Variants in CDH11 observed in about 807,000 individuals in gnomAD.
CDH11 encodes cadherin-11.
Under a neutral mutation model 67.8 loss-of-function variants are expected in CDH11, and 11 were observed. The ratio of observed to expected loss-of-function variants is 0.16; its 90% CI spans 0.10 to 0.27. The LOEUF (loss-of-function observed/expected upper bound fraction) is 0.27. Among genes scored for constraint, CDH11 ranks in the 10% least tolerant of loss-of-function variants. CDH11 has a pLI of 1.00. For synonymous variants in CDH11, 419 were observed against 400.0 expected, an observed-to-expected ratio of 1.05 and a Z score of -0.57; for missense variants, 847 against 1,031.2, an observed-to-expected ratio of 0.82 and a Z score of 2.45.
intron 1 of CDH11, among the ~76,000 whole-genome samples, chr16:65,066,973 A>G (rs1470303099): frequency 6.6e-6 from 1 of 152,154 alleles, no homozygotes; most frequent in Non-Finnish European, 1.5e-5. Context: ...GATTTTACTA[A>G]CTGTTCTTGG....
chr16:65,003,216 T>C (rs2072967175), intron 3 of CDH11, among the ~76,000 whole-genome samples: 1 of 151,812 alleles, frequency 6.6e-6, no homozygotes, highest in African/African-American at 2.4e-5. Flanking sequence ...TAATATTAAC[T>C]GGCATTGTTA....
intron 8 of CDH11, among the ~76,000 whole-genome samples, chr16:64,977,010 T>C (rs2072191473): frequency 6.6e-6 from 1 of 151,916 alleles, no homozygotes; most frequent in African/African-American, 2.4e-5. Context: ...ATGGGCAACA[T>C]AGTGAGAACC....
chr16:65,027,361 T>A (rs556286149), intron 2 of CDH11, among the ~76,000 whole-genome samples: 1 of 152,348 alleles, frequency 6.6e-6, no homozygotes, highest in East Asian at 1.9e-4. Context: ...GAGAAGCCTA[T>A]GCAGCTGGAG....
chr16:65,053,496 A>G (rs1311373430), intron 2 of CDH11, among the ~76,000 whole-genome samples: 1 of 152,238 alleles, frequency 6.6e-6, no homozygotes, highest in East Asian at 1.9e-4. Context: ...CAATCATCTC[A>G]GTTGGCCTGT....
At chr16:65,051,866 G>A (rs1466399907) in intron 2 of CDH11, among the ~76,000 whole-genome samples, 1 of 152,156 alleles carries the variant, frequency 6.6e-6, no homozygotes, top group Non-Finnish European at 1.5e-5. Context: ...AGAACTGTGA[G>A]TCAATTAAAC....
intron 1 of CDH11, among the ~76,000 whole-genome samples, chr16:65,062,326 T>C (rs1004417926): frequency 6.6e-6 from 1 of 152,210 alleles, no homozygotes; most frequent in Non-Finnish European, 1.5e-5. Context: ...TTCTGGAGTA[T>C]GCAAATCTCC....
At chr16:64,997,507 C>T (rs554514001) in intron 4 of CDH11, among the ~76,000 whole-genome samples, 1 of 151,976 alleles carries the variant, frequency 6.6e-6, no homozygotes, top group Admixed American at 6.6e-5. Flanking sequence ...CATCCCCACC[C>T]TTGACACTCA....
chr16:65,011,955 A>G (rs1345066522), intron 2 of CDH11, among the ~76,000 whole-genome samples: 2 of 152,092 alleles, frequency 1.3e-5, no homozygotes, highest in African/African-American at 4.8e-5. Flanking sequence ...AGCTTTTTTT[A>G]TTTGTCTGTT....
chr16:65,022,905 G>A (rs969850373), intron 2 of CDH11, among the ~76,000 whole-genome samples: 12 of 152,180 alleles, frequency 7.9e-5, no homozygotes, highest in African/African-American at 2.9e-4. Context: ...AGAACAACAT[G>A]ACTCTGGTGT....
At chr16:64,986,029 A>C (rs1597055017) in intron 7 of CDH11, 1 of 152,218 alleles carries the variant, frequency 6.6e-6, no homozygotes, top group Non-Finnish European at 1.5e-5. Flanking sequence ...AAAATGGGTG[A>C]ATAAATTAGG....
chr16:65,063,935 C>T (rs2074271300), intron 1 of CDH11, among the ~76,000 whole-genome samples: 1 of 152,210 alleles, frequency 6.6e-6, no homozygotes, highest in Admixed American at 6.5e-5. Context: ...AACCACACTT[C>T]AGGAAACACA....
intron 1 of CDH11, among the ~76,000 whole-genome samples, chr16:65,090,631 A>G (rs2074777756): frequency 6.6e-6 from 1 of 152,210 alleles, no homozygotes; most frequent in Admixed American, 6.5e-5. Context: ...CTGGGGTCCA[A>G]CAGAAACACA....
chr16:65,089,213 T>G (rs1477448619), intron 1 of CDH11, among the ~76,000 whole-genome samples: 1 of 152,124 alleles, frequency 6.6e-6, no homozygotes, highest in Non-Finnish European at 1.5e-5. Context: ...CAGCCTCACC[T>G]AAACCAAGAA....
intron 1 of CDH11, among the ~76,000 whole-genome samples, chr16:65,074,254 G>A (rs1299303223): frequency 6.6e-6 from 1 of 152,052 alleles, no homozygotes; most frequent in Non-Finnish European, 1.5e-5. Context: ...ACACATTGCT[G>A]CTAAAAGTAA....
chr16:65,050,724 A>T (rs1009815724), intron 2 of CDH11, among the ~76,000 whole-genome samples: 3 of 152,004 alleles, frequency 2.0e-5, no homozygotes, highest in Non-Finnish European at 4.4e-5. Context: ...GCCTTGGAGT[A>T]ATTTACCTTC....
At chr16:65,028,317 G>T (rs1381597127) in intron 2 of CDH11, among the ~76,000 whole-genome samples, 1 of 152,072 alleles carries the variant, frequency 6.6e-6, no homozygotes, top group Non-Finnish European at 1.5e-5. Flanking sequence ...CCTCCTGCTT[G>T]GGTCCTGTCG....
At chr16:65,021,706 G>A (rs2073428347) in intron 2 of CDH11, among the ~76,000 whole-genome samples, 1 of 150,540 alleles carries the variant, frequency 6.6e-6, no homozygotes, top group Non-Finnish European at 1.5e-5. Flanking sequence ...CAACACCTCT[G>A]GCTTTTAAGC....
At chr16:65,096,300 C>G (rs1482772321) in intron 1 of CDH11, among the ~76,000 whole-genome samples, 1 of 151,954 alleles carries the variant, frequency 6.6e-6, no homozygotes, top group Non-Finnish European at 1.5e-5. Flanking sequence ...CAATAAATTT[C>G]TGTTCTTTAT....
chr16:65,040,034 C>T (rs779904402), intron 2 of CDH11, among the ~76,000 whole-genome samples: 58 of 152,156 alleles, frequency 3.8e-4, no homozygotes, highest in Middle Eastern at 6.8e-3. Flanking sequence ...GTTAGAATGG[C>T]GATCATTAAA....
Sources: allele counts gnomAD v4.1 joint callset (sites outside exome capture counted in the v4.1 genomes callset), GRCh38; gene constraint gnomAD v4.1.1; transcripts MANE v1.5; gene names NCBI Gene and HGNC (gene_info 2026-07-23, HGNC 2026-07-21).